Variants in DUT observed in about 807,000 individuals in gnomAD.
DUT encodes deoxyuridine triphosphatase, also known as deoxyuridine 5'-triphosphate nucleotidohydrolase, mitochondrial.
Under a neutral mutation model 28.8 loss-of-function variants are expected in DUT, and 21 were observed. The observed-to-expected ratio is 0.73, with a 90% CI of 0.52 to 1.05. The LOEUF (loss-of-function observed/expected upper bound fraction) is 1.05, where lower values mean the gene tolerates loss of function less well. DUT is among the 50% of genes least tolerant of loss of function. DUT has a pLI of 0.00. For missense variants in DUT, 344 were observed against 351.8 expected, an observed-to-expected ratio of 0.98 and a Z score of 0.18; for synonymous variants, 147 against 143.7, an observed-to-expected ratio of 1.02 and a Z score of -0.17.
In DUT at chr15:48,343,298, G is replaced by C. The variant is rs1456358154; in HGVS notation, c.*1220G>C. 6.6e-6 allele frequency: 1 copy of C among 152,160 alleles called. No individual in the cohort carries two copies. The highest frequency in any genetic ancestry group is 1.5e-5 in the Non-Finnish European group (1 of 68,028). 9.4% of individuals were successfully genotyped at this position (152,160 alleles called of 1,614,324 possible). On this transcript the variant is annotated 3_prime_UTR_variant, in exon 7 of 7. Coordinates refer to ENST00000331200, the MANE Select transcript of DUT (RefSeq NM_001025248.2). ...AAATCAACTCAGTGGGACATAGCCA[G>C]CATTTTTGCATACCAGGTTGGGCTA...
chr15:48,338,268 T>TC (rs1448593629), intron 4 of DUT, among the ~76,000 whole-genome samples: 2 of 152,172 alleles, frequency 1.3e-5, no homozygotes, highest in African/African-American at 2.4e-5. Flanking sequence ...TTTCTTTTAG[T>TC]CACTTAAAGG....
intron 2 of DUT, among the ~76,000 whole-genome samples, chr15:48,333,410 C>G (rs1482893876): frequency 6.6e-6 from 1 of 152,096 alleles, no homozygotes; most frequent in Non-Finnish European, 1.5e-5. Context: ...TTTCTTGAGT[C>G]CTAGGGGAGT....
rs2042561169 is a variant in DUT, at chr15:48,343,277, C to A, written c.*1199C>A. 6.6e-6 allele frequency: 1 copy of A among 152,174 alleles called. No individual in the cohort carries two copies. The highest frequency in any genetic ancestry group is 1.5e-5 in the Non-Finnish European group (1 of 68,028). 9.4% of individuals were successfully genotyped at this position (152,174 alleles called of 1,614,324 possible). A position where few individuals can be genotyped will look rare whatever the true frequency, so the allele number is the denominator to read the frequency against. ...ACATTTCATTAGTGAGCCATGAAATCAACTCAGTGGGACATAGCCAGCATT... is the reference window on the plus strand; with the variant it reads ...ACATTTCATTAGTGAGCCATGAAATAAACTCAGTGGGACATAGCCAGCATT... On this transcript the variant is annotated 3_prime_UTR_variant, in exon 7 of 7. Coordinates refer to ENST00000331200, the MANE Select transcript of DUT (RefSeq NM_001025248.2).
Position 48,341,530 on chromosome 15 carries a change from G to A in DUT, c.647G>A (p.Arg216Gln), listed in dbSNP as rs911063006. The A allele has an allele frequency of 4.3e-6, 7 of 1,612,868 alleles. No homozygotes were observed. The highest frequency in any genetic ancestry group is 5.9e-6 in the Non-Finnish European group (7 of 1,179,446). Residue 216 changes from arginine (R) to glutamine (Q), a missense_variant, in exon 6 of 7, where the codon CGA (arginine) becomes CAA (glutamine). Physicochemically the swap from Arg to Gln is conservative, Grantham distance 43 (BLOSUM62 1). Transcript: ENST00000331200. ...TTCTTTGAAGTCAAAAAAGGTGATC[G>A]AATTGCACAGCTCATTTGCGAACGG... is the stretch of plus-strand genomic sequence containing the variant. ...KEKFEVKKGD[R>Q]IAQLICERIF...
At chr15:48,332,161 A>C in intron 1 of DUT, 107 bp from the exon 2 acceptor site, 1 of 1,439,080 alleles carries the variant, frequency 6.9e-7, no homozygotes, top group Non-Finnish European at 9.1e-7. Flanking sequence ...GCTGGCGGGA[A>C]ATTTCGGTTT....
At chr15:48,333,264 T>C (rs1187401757) in intron 2 of DUT, among the ~76,000 whole-genome samples, 1 of 151,982 alleles carries the variant, frequency 6.6e-6, no homozygotes, top group Non-Finnish European at 1.5e-5. Context: ...TGCCTGATGA[T>C]AGCAACAGAA....
chr15:48,331,765 A>G lies in DUT; in HGVS notation c.250A>G (p.Lys84Glu). The G allele has an allele frequency of 1.4e-6, 2 of 1,399,878 alleles. No homozygotes were observed. Among genetic ancestry groups the G allele is most frequent in the Non-Finnish European group, 1.8e-6 (2 of 1,081,162 alleles). 86.7% of individuals were successfully genotyped at this position (1,399,878 alleles called of 1,614,324 possible). ...GAAGWKGELP[K>E]AGGSPAPGPE... Reference sequence around the variant, plus strand: ...CGCTGGCTGGAAGGGCGAGCTTCCTAAGGCGGGGGGAAGCCCGGCGCCGGG... The same window carrying G: ...CGCTGGCTGGAAGGGCGAGCTTCCTGAGGCGGGGGGAAGCCCGGCGCCGGG... Residue 84 changes from lysine (K) to glutamate (E), a missense_variant, in exon 1 of 7, where the codon AAG (lysine) becomes GAG (glutamate). Coordinates refer to ENST00000331200, the MANE Select transcript of DUT (RefSeq NM_001025248.2).
At chr15:48,337,308 A>C (rs1235219209) in intron 4 of DUT, among the ~76,000 whole-genome samples, 2 of 152,238 alleles carry the variant, frequency 1.3e-5, no homozygotes, top group Non-Finnish European at 2.9e-5. Flanking sequence ...TGGGACAGTA[A>C]CTTAAGGATA....
rs1236801140 is a variant in DUT at position 48,331,805 on chromosome 15, G to A, written c.280+10G>A. ...CCGGCGCCGGGGCCGGGTAGGAAAG[G>A]CGGGGGAGGGGCTCCGGCCGTCTGG... On this transcript the variant is annotated intron_variant, in intron 1 of 6. Transcript: ENST00000331200. The A allele has an allele frequency of 7.3e-7, 1 of 1,365,778 alleles. No individual in the cohort carries two copies. The highest frequency in any genetic ancestry group is 3.7e-5 in the Admixed American group (1 of 26,790). The allele number at this position is 1,365,778 out of a possible 1,614,324, so 84.6% of individuals were successfully genotyped here.
chr15:48,331,368 C>G, upstream of DUT: 1 of 1,463,978 alleles, frequency 6.8e-7, no homozygotes, highest in Non-Finnish European at 9.0e-7. Context: ...CCCTGGGCTG[C>G]CGGGGCACCG....
At position 48,334,441 on chromosome 15, in the gene DUT, T is replaced by C; in HGVS notation, c.444T>C (p.Pro148=). Residue 148 remains proline, a synonymous_variant, in exon 3 of 7, where the codon CCT becomes CCC. Transcript: ENST00000331200. The stretch of plus-strand genomic sequence containing the variant: ...GTGCCTATGATTACACAATACCACC[T>C]ATGGAGAAAGCTGTTGTGAAAACGG... ...LYSAYDYTIP[P]MEKAVVKTDI... is the part of the protein sequence containing the mutation. The C allele has an allele frequency of 6.2e-7, 1 of 1,610,046 alleles. No individual in the cohort carries two copies. Among genetic ancestry groups the C allele is most frequent in the Non-Finnish European group, 8.5e-7 (1 of 1,177,392 alleles).
At position 48,336,164 on chromosome 15, in the gene DUT, G is replaced by A. The variant is rs559298847; in HGVS notation, c.556+74G>A. The A allele has an allele frequency of 7.3e-5, 91 of 1,251,324 alleles. No homozygotes were observed. In the African/African-American group the frequency reaches 1.4e-3, roughly 19 times the overall value. 77.5% of individuals were successfully genotyped at this position (1,251,324 alleles called of 1,614,324 possible). A position where few individuals can be genotyped will look rare whatever the true frequency, so the allele number is the denominator to read the frequency against. ...TGTCTTTAAAAGGTAATATTCAAAT[G>A]ACAGATTTTATTTTTAAGAAAAGAA... On this transcript the variant is annotated intron_variant, in intron 4 of 6. Transcript: ENST00000331200.
intron 1 of DUT, 61 bp from the exon 2 acceptor site, chr15:48,332,207 C>T (rs1285243293): frequency 3.3e-6 from 5 of 1,528,360 alleles, no homozygotes; most frequent in East Asian, 2.5e-5. Context: ...ATCGTGCGCT[C>T]TCCTCTTCCC....
At chr15:48,332,726 A>C (rs1211532605) in intron 2 of DUT, 3 of 564,898 alleles carry the variant, frequency 5.3e-6, no homozygotes, top group South Asian at 4.6e-5. Flanking sequence ...TGTGCTCAAT[A>C]GAAAAACCAA....
chr15:48,341,697 T>C (rs1371571662), intron 6 of DUT, 112 bp downstream of exon 6: 25 of 901,470 alleles, frequency 2.8e-5, no homozygotes, highest in Non-Finnish European at 4.0e-5. Flanking sequence ...TATATATGAC[T>C]AAACTTATTT....
Position 48,331,484 on chromosome 15 carries a change from C to T in DUT, c.-32C>T. ...AAGCCTGGCGCACGTCCGGAGGTGC[C>T]GAGGACCCAACCAGCCCAAACTCTG... On this transcript the variant is annotated 5_prime_UTR_variant, in exon 1 of 7. Transcript: ENST00000331200. 6.2e-7 allele frequency: 1 copy of T among 1,609,368 alleles called. No homozygotes were observed. Among genetic ancestry groups the T allele is most frequent in the Non-Finnish European group, 8.5e-7 (1 of 1,178,420 alleles).
intron 6 of DUT, 161 bp from the exon 7 acceptor site, chr15:48,341,861 T>C (rs1247330354): frequency 3.2e-6 from 2 of 624,244 alleles, no homozygotes; most frequent in African/African-American, 1.9e-5. Flanking sequence ...TTCTAATTTA[T>C]GGAGCTTTTT....
Position 48,334,452 on chromosome 15 carries a change from C to T in DUT, c.455C>T (p.Ala152Val). The T allele has an allele frequency of 1.2e-6, 2 of 1,610,936 alleles. No individual in the cohort carries two copies. Among genetic ancestry groups the T allele is most frequent in the Non-Finnish European group, 1.7e-6 (2 of 1,178,006 alleles). ...YDYTIPPMEKAVVKTDIQIAL... is the reference protein window; with the variant it reads ...YDYTIPPMEKVVVKTDIQIAL... ...TACACAATACCACCTATGGAGAAAGCTGTTGTGAAAACGGACATTCAGATA... is the reference window on the plus strand; with the variant it reads ...TACACAATACCACCTATGGAGAAAGTTGTTGTGAAAACGGACATTCAGATA... Residue 152 changes from alanine (A) to valine (V), a missense_variant, in exon 3 of 7, where the codon GCT becomes GTT. Physicochemically the swap from Ala to Val is moderately conservative, Grantham distance 64 (BLOSUM62 0). Coordinates refer to ENST00000331200, the MANE Select transcript of DUT (RefSeq NM_001025248.2).
At position 48,343,355 on chromosome 15, in the gene DUT, TG is replaced by T. The variant is rs2042562424; in HGVS notation, c.*1278del. 2.0e-5 allele frequency: 3 copies of T among 152,228 alleles called. No individual in the cohort carries two copies. Among genetic ancestry groups the T allele is most frequent in the Admixed American group, 1.3e-4 (2 of 15,280 alleles). The allele number at this position is 152,228 out of a possible 1,614,324, so 9.4% of individuals were successfully genotyped here. A position where few individuals can be genotyped will look rare whatever the true frequency, so the allele number is the denominator to read the frequency against. Reference sequence around the variant, plus strand: ...ATTTCTGTTGTCAATAAATTTTAAATGTTTTCCTGCTAAACTAACCAGAATG... The same window carrying T: ...ATTTCTGTTGTCAATAAATTTTAAATTTTTCCTGCTAAACTAACCAGAATG... On this transcript the variant is annotated 3_prime_UTR_variant, in exon 7 of 7. Transcript: ENST00000331200.
Sources: gnomAD v4.1 joint callset for allele counts (sites outside exome capture counted in the v4.1 genomes callset) on GRCh38, gnomAD v4.1.1 for gene constraint, MANE v1.5 for transcripts, NCBI Gene and HGNC (gene_info 2026-07-23, HGNC 2026-07-21) for gene names.